Variants in PDE4D observed in about 807,000 individuals in gnomAD.
The protein encoded by PDE4D is phosphodiesterase 4D.
In PDE4D, 24 loss-of-function variants were observed where a neutral mutation model predicts 87.4. That is an observed-to-expected ratio of 0.27 (90% CI 0.20 to 0.39). The LOEUF (loss-of-function observed/expected upper bound fraction) is 0.39. Among genes scored for constraint, PDE4D ranks in the 10% least tolerant of loss-of-function variants. PDE4D has a pLI of 1.00. For synonymous variants in PDE4D, 384 were observed against 383.2 expected, an observed-to-expected ratio of 1.00 and a Z score of -0.02; for missense variants, 714 against 1,041.0, an observed-to-expected ratio of 0.69 and a Z score of 4.32.
chr5:58,984,276 T>C (rs1745904495), intron 11 of PDE4D, among the ~76,000 whole-genome samples: 1 of 152,204 alleles, frequency 6.6e-6, no homozygotes, highest in Non-Finnish European at 1.5e-5. Context: ...CCCTGCATTA[T>C]TTTCCTCCAT....
At chr5:59,008,531 A>G (rs1396115496) in intron 6 of PDE4D, among the ~76,000 whole-genome samples, 1 of 152,080 alleles carries the variant, frequency 6.6e-6, no homozygotes, top group East Asian at 1.9e-4. Context: ...ACAATTGAGC[A>G]TCCACTCATA....
At chr5:59,098,754 G>T (rs1047825015) in intron 5 of PDE4D, among the ~76,000 whole-genome samples, 2 of 145,316 alleles carry the variant, frequency 1.4e-5, no homozygotes, top group African/African-American at 5.1e-5. Flanking sequence ...AAATAATCTA[G>T]AAACAGGTCA....
intron 13 of PDE4D, 107 bp downstream of exon 13, chr5:58,976,243 T>TATA (rs1743751823): frequency 8.2e-6 from 10 of 1,214,382 alleles, no homozygotes; most frequent in Non-Finnish European, 1.1e-5. Context: ...TTGCTGAAAG[T>TATA]ATAAGGTGGG....
At chr5:59,186,985 A>G (rs1743064760) in intron 3 of PDE4D, among the ~76,000 whole-genome samples, 1 of 152,224 alleles carries the variant, frequency 6.6e-6, no homozygotes. Flanking sequence ...AAACATACTA[A>G]TGGAAACTTT....
At chr5:60,346,725 G>C (rs916905695) in intron 1 of PDE4D, among the ~76,000 whole-genome samples, 1 of 152,112 alleles carries the variant, frequency 6.6e-6, no homozygotes, top group Non-Finnish European at 1.5e-5. Context: ...CTATAAAATA[G>C]AGTCTGGAAT....
At chr5:60,171,346 G>T (rs1374871437) in intron 2 of PDE4D, among the ~76,000 whole-genome samples, 1 of 152,024 alleles carries the variant, frequency 6.6e-6, no homozygotes, top group Non-Finnish European at 1.5e-5. Context: ...ACTCTTTACA[G>T]AAAGGGACCA....
chr5:59,625,682 T>C (rs1003757259), intron 1 of PDE4D, among the ~76,000 whole-genome samples: 15 of 152,198 alleles, frequency 9.9e-5, no homozygotes, highest in African/African-American at 2.2e-4. Flanking sequence ...TTCTTTAAAA[T>C]AAAGGTTTGC....
At chr5:60,144,784 C>A (rs530940279) in intron 2 of PDE4D, among the ~76,000 whole-genome samples, 1 of 152,260 alleles carries the variant, frequency 6.6e-6, no homozygotes, top group Admixed American at 6.5e-5. Flanking sequence ...CAGAATTTTG[C>A]CTTTGTCCAA....
chr5:59,729,325 G>A (rs1381367485), intron 1 of PDE4D, among the ~76,000 whole-genome samples: 1 of 152,176 alleles, frequency 6.6e-6, no homozygotes, highest in Admixed American at 6.6e-5. Context: ...CCTTGAGAAA[G>A]TTTGCACCAG....
chr5:59,796,155 A>C (rs1356521677), intron 1 of PDE4D, among the ~76,000 whole-genome samples: 1 of 152,192 alleles, frequency 6.6e-6, no homozygotes, highest in South Asian at 2.1e-4. Flanking sequence ...CCAGGCTTTT[A>C]GTCAAAAGAT....
chr5:60,153,516 C>T (rs947891997), intron 2 of PDE4D, among the ~76,000 whole-genome samples: 1 of 152,110 alleles, frequency 6.6e-6, no homozygotes, highest in Admixed American at 6.5e-5. Context: ...ATTTCTACTT[C>T]GGGGCATATA....
intron 1 of PDE4D, among the ~76,000 whole-genome samples, chr5:59,866,852 G>C (rs1030399001): frequency 1.3e-5 from 2 of 152,000 alleles, no homozygotes; most frequent in Admixed American, 6.6e-5. Flanking sequence ...GTGTCCATGG[G>C]GATTACACAA....
At chr5:59,944,910 ACTCTGAT>A (rs2152800866) in intron 3 of PDE4D, among the ~76,000 whole-genome samples, 1 of 152,142 alleles carries the variant, frequency 6.6e-6, no homozygotes, top group South Asian at 2.1e-4. Context: ...CAGAATTTAA[ACTCTGAT>A]GTGTTTAAAC....
intron 1 of PDE4D, among the ~76,000 whole-genome samples, chr5:59,698,428 C>T (rs139847698): frequency 1.3e-5 from 2 of 151,818 alleles, no homozygotes; most frequent in Non-Finnish European, 2.9e-5. Context: ...CTGGCATGAG[C>T]GCTTTAAAAC....
chr5:59,571,544 T>C (rs1283953434), intron 1 of PDE4D, among the ~76,000 whole-genome samples: 1 of 152,160 alleles, frequency 6.6e-6, no homozygotes, highest in African/African-American at 2.4e-5. Flanking sequence ...CTTTCAAAGT[T>C]GTGATTTTTC....
At chr5:59,602,860 A>C (rs1443928203) in intron 1 of PDE4D, among the ~76,000 whole-genome samples, 9 of 152,080 alleles carry the variant, frequency 5.9e-5, no homozygotes, top group Admixed American at 3.3e-4. Context: ...ATGAAACATA[A>C]TAGAGAGCCA....
chr5:59,351,337 G>A (rs969410775), intron 1 of PDE4D, among the ~76,000 whole-genome samples: 4 of 152,252 alleles, frequency 2.6e-5, no homozygotes, highest in African/African-American at 9.6e-5. Flanking sequence ...TGCAATGGTT[G>A]TTAGTAGTAT....
At chr5:60,067,419 A>G (rs1034648292) in intron 2 of PDE4D, among the ~76,000 whole-genome samples, 2 of 152,070 alleles carry the variant, frequency 1.3e-5, no homozygotes, top group African/African-American at 4.8e-5. Flanking sequence ...TTCCTTATAA[A>G]TTGCTCTATG....
chr5:60,176,208 T>A (rs947627082), intron 2 of PDE4D, among the ~76,000 whole-genome samples: 1 of 152,156 alleles, frequency 6.6e-6, no homozygotes, highest in Non-Finnish European at 1.5e-5. Flanking sequence ...TTTAGCTGAA[T>A]CATCTTGCTG....
Sources: allele counts gnomAD v4.1 joint callset (sites outside exome capture counted in the v4.1 genomes callset), GRCh38; gene constraint gnomAD v4.1.1; transcripts MANE v1.5; gene names NCBI Gene and HGNC (gene_info 2026-07-23, HGNC 2026-07-21).